CABIN1: variants seen among roughly 807,000 people sequenced by gnomAD.
CABIN1 encodes the protein calcineurin binding protein 1, also known as calcineurin-binding protein cabin-1.
A neutral mutation model predicts 227.7 loss-of-function variants in CABIN1; 133 were observed. The observed-to-expected ratio is 0.58, with a 90% CI of 0.51 to 0.67. The LOEUF is 0.67. Among genes scored for constraint, CABIN1 ranks in the 30% least tolerant of loss-of-function variants. The probability of loss-of-function intolerance (pLI) is 0.00; values close to 1 mark genes in which losing one functional copy is unlikely to be tolerated. For synonymous variants in CABIN1, 1,086 were observed against 1,155.1 expected, an observed-to-expected ratio of 0.94 and a Z score of 1.21; for missense variants, 2,408 against 2,852.5, an observed-to-expected ratio of 0.84 and a Z score of 3.55.
intron 18 of CABIN1, among the ~76,000 whole-genome samples, chr22:24,073,535 C>G (rs1030756740): frequency 1.3e-5 from 2 of 152,156 alleles, no homozygotes; most frequent in East Asian, 3.8e-4. Flanking sequence ...CAGAAAGTTA[C>G]CAGCTGCTCA....
intron 34 of CABIN1, among the ~76,000 whole-genome samples, chr22:24,172,451 A>G (rs940666990): frequency 2.0e-5 from 3 of 152,200 alleles, no homozygotes; most frequent in Non-Finnish European, 4.4e-5. Context: ...ACCTGTGAGC[A>G]GTTCCTGGGT....
In CABIN1 at chr22:24,171,723, A is replaced by G. The variant is rs1368619790; in HGVS notation, c.5768A>G (p.Asp1923Gly). 5.0e-6 allele frequency: 8 copies of G among 1,613,772 alleles called. No homozygotes were observed. The highest frequency in any genetic ancestry group is 6.8e-6 in the Non-Finnish European group (8 of 1,179,990). Residue 1923 changes from aspartate to glycine, a missense_variant, in exon 34 of 37, where the codon GAC (aspartate) becomes GGC (glycine). By Grantham distance (94) the Asp-to-Gly change is moderately conservative (BLOSUM62 -1). Around this residue, in one of 3 missense-constraint regions of CABIN1, gnomAD observed 714 missense variants for 773.8 expected, o/e 0.92. Coordinates refer to ENST00000263119, the MANE Select transcript of CABIN1 (RefSeq NM_012295.4). ...TGTTTGTCCTCACAGGCCTCGGGGG[A>G]CACCCCCACCACTCCAAAGCACCCC... ...GAAAQRQASG[D>G]TPTTPKHPKD...
chr22:24,090,760 T>G (rs2041493114), intron 23 of CABIN1, among the ~76,000 whole-genome samples: 1 of 152,076 alleles, frequency 6.6e-6, no homozygotes, highest in Non-Finnish European at 1.5e-5. Flanking sequence ...CACTGGCCCC[T>G]GAGGTCAGGC....
At chr22:24,031,131 C>T (rs778954313) in intron 1 of CABIN1, among the ~76,000 whole-genome samples, 2 of 152,200 alleles carry the variant, frequency 1.3e-5, no homozygotes, top group Non-Finnish European at 2.9e-5. Flanking sequence ...TGGGCCCCTC[C>T]CTTGTTTTTC....
At chr22:24,176,492 C>T (rs2047116982) in intron 35 of CABIN1, among the ~76,000 whole-genome samples, 1 of 152,150 alleles carries the variant, frequency 6.6e-6, no homozygotes, top group African/African-American at 2.4e-5. Flanking sequence ...GTGTCAGGGG[C>T]TGGGTAGAGA....
chr22:24,012,265 T>C (rs1323602397), intron 1 of CABIN1, among the ~76,000 whole-genome samples: 1 of 152,188 alleles, frequency 6.6e-6, no homozygotes, highest in Non-Finnish European at 1.5e-5. Flanking sequence ...AAATTTTAAT[T>C]ATAGGGACCG....
chr22:24,079,214 A>T (rs1046973971), intron 19 of CABIN1, among the ~76,000 whole-genome samples: 2 of 152,180 alleles, frequency 1.3e-5, no homozygotes, highest in African/African-American at 4.8e-5. Context: ...TACCTTCCCA[A>T]TCATCCCACA....
At chr22:24,169,704 C>T (rs2046675390) in intron 33 of CABIN1, among the ~76,000 whole-genome samples, 1 of 152,216 alleles carries the variant, frequency 6.6e-6, no homozygotes, top group East Asian at 1.9e-4. Context: ...CCTCCACTGG[C>T]CCAGGTGGAG....
intron 26 of CABIN1, among the ~76,000 whole-genome samples, chr22:24,104,995 G>A (rs1409926319): frequency 1.3e-5 from 2 of 152,162 alleles, no homozygotes; most frequent in African/African-American, 2.4e-5. Context: ...AGCAAATGGA[G>A]GAAACACACT....
chr22:24,043,689 C>T (rs555319632), intron 6 of CABIN1, among the ~76,000 whole-genome samples: 2 of 152,176 alleles, frequency 1.3e-5, no homozygotes, highest in Admixed American at 6.5e-5. Flanking sequence ...GAGGTCGAGG[C>T]TGCAGTGAGT....
chr22:24,109,814 T>A (rs2042713090), intron 26 of CABIN1, among the ~76,000 whole-genome samples: 1 of 152,174 alleles, frequency 6.6e-6, no homozygotes. Flanking sequence ...TTAGCTCTCT[T>A]GGTTGCTAGT....
In CABIN1 at chr22:24,178,259, G is replaced by A; in HGVS notation, c.*63G>A. 6.3e-7 allele frequency: 1 copy of A among 1,599,716 alleles called. No individual in the cohort carries two copies. The highest frequency in any genetic ancestry group is 8.5e-7 in the Non-Finnish European group (1 of 1,173,112). On this transcript the variant is annotated 3_prime_UTR_variant, in exon 37 of 37. Coordinates refer to ENST00000263119, the MANE Select transcript of CABIN1 (RefSeq NM_012295.4). ...CAGCCAGGCCTGGAATGCCCCCTGG[G>A]CAGGACCCTGGGCAGGACCAGAGGC...
chr22:24,109,488 C>CT (rs1185244190), intron 26 of CABIN1, among the ~76,000 whole-genome samples: 2 of 151,940 alleles, frequency 1.3e-5, no homozygotes, highest in Admixed American at 1.3e-4. Context: ...AGTGCTAGGA[C>CT]TACAGGCATG....
intron 29 of CABIN1, among the ~76,000 whole-genome samples, chr22:24,160,168 G>C (rs899250486): frequency 6.6e-6 from 1 of 152,080 alleles, no homozygotes; most frequent in Admixed American, 6.6e-5. Flanking sequence ...ACATACTCAG[G>C]TTGTCCCTCC....
At chr22:24,075,781 G>A (rs2040398733) in intron 18 of CABIN1, among the ~76,000 whole-genome samples, 1 of 151,882 alleles carries the variant, frequency 6.6e-6, no homozygotes, top group Non-Finnish European at 1.5e-5. Context: ...TTAAGAAATG[G>A]CATGTGTAGT....
chr22:24,043,715 G>A (rs148896741), intron 6 of CABIN1, among the ~76,000 whole-genome samples: 2 of 152,290 alleles, frequency 1.3e-5, no homozygotes, highest in Admixed American at 6.5e-5. Context: ...TTGTGCAATC[G>A]CATTCCTGTC....
At chr22:24,033,956 A>C (rs888922634) in intron 1 of CABIN1, among the ~76,000 whole-genome samples, 2 of 152,104 alleles carry the variant, frequency 1.3e-5, no homozygotes, top group Non-Finnish European at 2.9e-5. Flanking sequence ...GTTCCCATCC[A>C]TTTGGCACCA....
chr22:24,067,472 A>G lies in CABIN1; in HGVS notation c.2232+291A>G, dbSNP rs554790995. 5.7e-4 allele frequency among the ~76,000 whole-genome samples: 87 copies of G among 152,354 alleles called. 1 individual carries two copies. The highest frequency in any genetic ancestry group is 1.1e-3 in the Non-Finnish European group (73 of 68,040). ...AGGAAGGAAGAATGGTCAGGTCATC[A>G]TCTGTCCATCCACTTGTTTATTCAT... On this transcript the variant is annotated intron_variant, in intron 16 of 36. Transcript: ENST00000263119.
At chr22:24,046,775 T>C (rs2037917306) in intron 6 of CABIN1, among the ~76,000 whole-genome samples, 1 of 151,908 alleles carries the variant, frequency 6.6e-6, no homozygotes, top group Non-Finnish European at 1.5e-5. Context: ...GGAGTGATGG[T>C]GTATAGTTCT....
Sources: allele counts gnomAD v4.1 joint callset (sites outside exome capture counted in the v4.1 genomes callset), GRCh38; gene constraint gnomAD v4.1.1; regional missense constraint gnomAD v4.1.1; transcripts MANE v1.5; gene names NCBI Gene and HGNC (gene_info 2026-07-23, HGNC 2026-07-21).